XPC: variants seen among roughly 807,000 people sequenced by gnomAD.
XPC encodes DNA repair protein complementing XP-C cells.
A neutral mutation model predicts 95.8 loss-of-function variants in XPC; 76 were observed. The observed-to-expected ratio is 0.79, with a 90% CI of 0.66 to 0.96. The LOEUF is 0.96. XPC is among the 40% of genes least tolerant of loss of function. The pLI is 0.00. For synonymous variants in XPC, 442 were observed against 442.1 expected (o/e 1.00, Z 0.00); for missense variants, 1,146 against 1,179.8 (o/e 0.97, Z 0.42).
At position 14,158,711 on chromosome 3, in the gene XPC, T is replaced by C; in HGVS notation, c.1172A>G (p.Lys391Arg). 1 of 1,613,936 alleles carries C rather than the reference T, an allele frequency of 6.2e-7. No individual in the cohort carries two copies. Among genetic ancestry groups the C allele is most frequent in the Non-Finnish European group, 8.5e-7 (1 of 1,179,894 alleles). The change falls in exon 9 of 16, where the codon AAG (lysine) becomes AGG (arginine). Residue 391 changes from lysine to arginine, a missense_variant. Transcript: ENST00000285021. This position sits in a 1 kb window ranked among gnomAD's most constrained non-coding sequence, Gnocchi z 5.2. Reference sequence around the variant, plus strand: ...GCTGGAGGAGGGCTTGCTCCGTTTCTTTCTGCCTCCCTTGTTCCTCTTCCC... The same window carrying C: ...GCTGGAGGAGGGCTTGCTCCGTTTCCTTCTGCCTCCCTTGTTCCTCTTCCC... The part of the protein sequence containing the change: ...AKGKRNKGGR[K>R]KRSKPSSSEE...
At chr3:14,172,093 T>C (rs528633989) in intron 2 of XPC, among the ~76,000 whole-genome samples, 168 of 152,280 alleles carry the variant, frequency 1.1e-3, no homozygotes, top group Admixed American at 2.1e-3. Flanking sequence ...GAAAATCAAG[T>C]GTTCCCTGGG....
chr3:14,162,067 AT>A (rs758114293), intron 7 of XPC, among the ~76,000 whole-genome samples: 1 of 152,202 alleles, frequency 6.6e-6, no homozygotes, highest in African/African-American at 2.4e-5. Context: ...ATCAAGAAGA[AT>A]AAAGTACCTA....
In XPC at chr3:14,158,512, A is replaced by G; in HGVS notation, c.1371T>C (p.Asp457=). 1.2e-6 allele frequency: 2 copies of G among 1,612,502 alleles called. No individual in the cohort carries two copies. Among genetic ancestry groups the G allele is most frequent in the Middle Eastern group, 1.7e-4 (1 of 6,060 alleles). ...TTGGAGGGCCAGGTTCGGAATCCTC[A>G]TCAGAGGGATCAGAGGCTTCTCCAC... is the stretch of plus-strand genomic sequence containing the variant. The part of the protein sequence containing the change: ...LSSGEASDPS[D]EDSEPGPPKQ... The change falls in exon 9 of 16, where the codon GAT becomes GAC. Residue 457 remains aspartate (D), a synonymous_variant. Transcript: ENST00000285021. This position sits in a 1 kb window ranked among gnomAD's most constrained non-coding sequence, Gnocchi z 5.2.
At chr3:14,157,495 C>T (rs554699418) in intron 9 of XPC, among the ~76,000 whole-genome samples, 8 of 152,236 alleles carry the variant, frequency 5.3e-5, no homozygotes, top group Non-Finnish European at 1.5e-5. Flanking sequence ...TTCTAGAAGT[C>T]TCTGCCTCCC....
chr3:14,154,328 C>G (rs143623768), intron 10 of XPC, among the ~76,000 whole-genome samples: 4 of 152,270 alleles, frequency 2.6e-5, no homozygotes, highest in African/African-American at 9.6e-5. Flanking sequence ...AAAGCAGAAT[C>G]TTGAAGAGCT....
intron 15 of XPC, among the ~76,000 whole-genome samples, chr3:14,146,945 G>A (rs1695463053): frequency 6.6e-6 from 1 of 152,228 alleles, no homozygotes; most frequent in South Asian, 2.1e-4. Flanking sequence ...CATGGTCACA[G>A]GCACTGGGAA....
Position 14,145,586 on chromosome 3 carries a change from G to A in XPC, c.*355C>T, listed in dbSNP as rs546662564. ...ATGCACCACCATCCAGAAATCTCCC[G>A]GTGGCTTCCATACAAAAACTGATGT... On this transcript the variant is annotated 3_prime_UTR_variant, in exon 16 of 16. Transcript: ENST00000285021. 1.6e-5 allele frequency: 11 copies of A among 699,554 alleles called. No homozygotes were observed. The highest frequency in any genetic ancestry group is 6.0e-5 in the South Asian group (4 of 66,796). The allele number at this position is 699,554 out of a possible 1,614,324, so 43.3% of individuals were successfully genotyped here. A position where few individuals can be genotyped will look rare whatever the true frequency, so the allele number is the denominator to read the frequency against.
At chr3:14,159,384 A>T (rs1696075942) in intron 8 of XPC, among the ~76,000 whole-genome samples, 1 of 152,176 alleles carries the variant, frequency 6.6e-6, no homozygotes, top group African/African-American at 2.4e-5. Flanking sequence ...TACCCCAATG[A>T]GTACAGCATT....
At chr3:14,166,832 A>G (rs922001033) in intron 5 of XPC, among the ~76,000 whole-genome samples, 20 of 152,336 alleles carry the variant, frequency 1.3e-4, no homozygotes, top group African/African-American at 4.8e-4. Context: ...CAAGTGTTCA[A>G]TAACTGTCAG....
chr3:14,162,092 C>A (rs903764327), intron 7 of XPC, among the ~76,000 whole-genome samples: 1 of 152,004 alleles, frequency 6.6e-6, no homozygotes, highest in Non-Finnish European at 1.5e-5. Context: ...AAAAATTTAA[C>A]CAAGGTAAAA....
chr3:14,178,084 C>G (rs1559387649), intron 1 of XPC, among the ~76,000 whole-genome samples: 1 of 152,202 alleles, frequency 6.6e-6, no homozygotes, highest in Non-Finnish European at 1.5e-5. Flanking sequence ...CTGGGTGAGA[C>G]TCAGCTGAAG....
At position 14,145,386 on chromosome 3, in the gene XPC, T is replaced by C. The variant is rs1053093734; in HGVS notation, c.*555A>G. 3.6e-5 allele frequency: 25 copies of C among 700,082 alleles called. No homozygotes were observed. Among genetic ancestry groups the C allele is most frequent in the Non-Finnish European group, 6.2e-5 (24 of 384,714 alleles). The allele number at this position is 700,082 out of a possible 1,614,324, so 43.4% of individuals were successfully genotyped here. A position where few individuals can be genotyped will look rare whatever the true frequency, so the allele number is the denominator to read the frequency against. ...AAACTAGATCCCAGCAGATGACCTGTACTTCTCTGCTCTCTCCCCTACTGC... is the reference window on the plus strand; with the variant it reads ...AAACTAGATCCCAGCAGATGACCTGCACTTCTCTGCTCTCTCCCCTACTGC... On this transcript the variant is annotated 3_prime_UTR_variant, in exon 16 of 16. Transcript: ENST00000285021.
chr3:14,165,314 C>A lies in XPC; in HGVS notation c.779+114G>T, dbSNP rs1204374418. 173 of 1,355,702 alleles carry A rather than the reference C, an allele frequency of 1.3e-4. No homozygotes were observed. In the East Asian group the frequency reaches 4.4e-3, roughly 34 times the overall value. 84.0% of individuals were successfully genotyped at this position (1,355,702 alleles called of 1,614,324 possible). A position where few individuals can be genotyped will look rare whatever the true frequency, so the allele number is the denominator to read the frequency against. Reference sequence around the variant, plus strand: ...CTATCTTCAATGCCATGCCCACCACCTGATACATAGTTACCGCCTCAGGGA... The same window carrying A: ...CTATCTTCAATGCCATGCCCACCACATGATACATAGTTACCGCCTCAGGGA... On this transcript the variant is annotated intron_variant, in intron 6 of 15. Transcript: ENST00000285021.
rs570899064 is a variant in XPC, at chr3:14,145,369, T to C, written c.*572A>G. On this transcript the variant is annotated 3_prime_UTR_variant, in exon 16 of 16. Coordinates refer to ENST00000285021, the MANE Select transcript of XPC (RefSeq NM_004628.5). ...ACAAAATGTTACTTGGAAAACTAGA[T>C]CCCAGCAGATGACCTGTACTTCTCT... The C allele has an allele frequency of 1.4e-4, 101 of 700,108 alleles. 1 individual carries two copies. The highest frequency in any genetic ancestry group is 1.4e-3 in the South Asian group (97 of 67,466). The allele number at this position is 700,108 out of a possible 1,614,324, so 43.4% of individuals were successfully genotyped here.
chr3:14,176,842 T>A (rs545204019), intron 1 of XPC, among the ~76,000 whole-genome samples: 1 of 152,372 alleles, frequency 6.6e-6, no homozygotes, highest in South Asian at 2.1e-4. Context: ...GGCTCATGCC[T>A]GTAATCCCAA....
At position 14,158,538 on chromosome 3, in the gene XPC, T is replaced by C. The variant is rs185035500; in HGVS notation, c.1345A>G (p.Ser449Gly). 32 of 1,613,484 alleles carry C rather than the reference T, an allele frequency of 2.0e-5. No individual in the cohort carries two copies. Among genetic ancestry groups the C allele is most frequent in the Non-Finnish European group, 2.7e-5 (32 of 1,179,802 alleles). Residue 449 changes from serine to glycine, a missense_variant, in exon 9 of 16, where the codon AGT becomes GGT. Ser to Gly is a moderately conservative substitution (Grantham distance 56). Transcript: ENST00000285021. The surrounding 1 kb of genome is among the most constrained non-coding windows in gnomAD (Gnocchi z 5.2). ...TCAGAGGGATCAGAGGCTTCTCCACTGGAGAGCTCAAAATCAGAGCCGCTG... is the reference window on the plus strand; with the variant it reads ...TCAGAGGGATCAGAGGCTTCTCCACCGGAGAGCTCAAAATCAGAGCCGCTG... ...AGSGSDFELSSGEASDPSDED... is the reference protein window; with the variant it reads ...AGSGSDFELSGGEASDPSDED...
rs1477400478 is a variant in XPC at position 14,173,036 on chromosome 3, T to C, written c.130A>G (p.Lys44Glu). Reference sequence around the variant, plus strand: ...GAAACTTTGGAGAGAAGGCTCTTCTTTGGGGGTTTCTCATCTTCAAAGGCA... The same window carrying C: ...GAAACTTTGGAGAGAAGGCTCTTCTCTGGGGGTTTCTCATCTTCAAAGGCA... Reference protein sequence around the residue: ...EDAFEDEKPPKKSLLSKVSQG... With the variant: ...EDAFEDEKPPEKSLLSKVSQG... The change falls in exon 2 of 16, where the codon AAG becomes GAG. Residue 44 changes from lysine (K) to glutamate (E), a missense_variant. By Grantham distance (56) the Lys-to-Glu change is moderately conservative (BLOSUM62 1). Coordinates refer to ENST00000285021, the MANE Select transcript of XPC (RefSeq NM_004628.5). The C allele has an allele frequency of 1.3e-6, 2 of 1,597,404 alleles. No homozygotes were observed. The highest frequency in any genetic ancestry group is 1.8e-5 in the Admixed American group (1 of 56,702).
chr3:14,153,647 G>T (rs1695786251), intron 10 of XPC, among the ~76,000 whole-genome samples: 2 of 152,136 alleles, frequency 1.3e-5, no homozygotes, highest in South Asian at 4.1e-4. Flanking sequence ...CCTACATGAG[G>T]TCCGGTTAGG....
intron 9 of XPC, among the ~76,000 whole-genome samples, chr3:14,157,106 G>A (rs1203383082): frequency 1.3e-5 from 2 of 152,186 alleles, no homozygotes; most frequent in Non-Finnish European, 2.9e-5. Context: ...GAGAGTGGGA[G>A]AGGACGCTGC....
Sources: allele counts gnomAD v4.1 joint callset (sites outside exome capture counted in the v4.1 genomes callset), GRCh38; gene constraint gnomAD v4.1.1; non-coding constraint Gnocchi (gnomAD v3.1); transcripts MANE v1.5; gene names NCBI Gene and HGNC (gene_info 2026-07-23, HGNC 2026-07-21).